TNR: variants seen among roughly 807,000 people sequenced by gnomAD.
TNR encodes the protein tenascin-R.
A neutral mutation model predicts 150.4 loss-of-function variants in TNR; 45 were observed. That is an observed-to-expected ratio of 0.30 (90% confidence interval 0.24 to 0.38). The LOEUF is 0.38. Among genes scored for constraint, TNR ranks in the 10% least tolerant of loss-of-function variants. The pLI is 1.00. For synonymous variants in TNR, 687 were observed against 678.4 expected (o/e 1.01, Z -0.20); for missense variants, 1,544 against 1,759.1 (o/e 0.88, Z 2.19).
intron 2 of TNR, among the ~76,000 whole-genome samples, chr1:175,485,698 G>T (rs1034296846): frequency 6.6e-6 from 1 of 152,154 alleles, no homozygotes; most frequent in African/African-American, 2.4e-5. Context: ...TTTCAAGACA[G>T]AAAAGGAACT....
intron 1 of TNR, among the ~76,000 whole-genome samples, chr1:175,655,777 A>G (rs1295444349): frequency 6.6e-6 from 1 of 152,196 alleles, no homozygotes; most frequent in Non-Finnish European, 1.5e-5. Flanking sequence ...CACCTCACCA[A>G]TGTCCTGCCC....
chr1:175,592,015 A>T (rs1289771550), intron 1 of TNR, among the ~76,000 whole-genome samples: 1 of 152,170 alleles, frequency 6.6e-6, no homozygotes, highest in Non-Finnish European at 1.5e-5. Flanking sequence ...TAAAAAATAA[A>T]CTTCTATTGC....
intron 2 of TNR, among the ~76,000 whole-genome samples, chr1:175,511,725 T>G (rs1433193778): frequency 6.6e-6 from 1 of 152,208 alleles, no homozygotes; most frequent in East Asian, 1.9e-4. Context: ...CCACTACTTC[T>G]AACTCCTGGG....
At position 175,733,447 on chromosome 1, in the gene TNR, G is replaced by A. The variant is rs79837293; in HGVS notation, c.-165+9779C>T. Among the ~76,000 whole-genome samples the A allele has an allele frequency of 1.7e-4, 26 of 152,230 alleles. No homozygotes were observed. In the East Asian group the frequency reaches 4.1e-3, roughly 24 times the overall value. ...GTTGGGTCAGAGTGAAGACACGGCC[G>A]GAGAAGTCACCCCAGGCCCTCTTGG... is the stretch of plus-strand genomic sequence containing the variant. On this transcript the variant is annotated intron_variant, in intron 1 of 22. Transcript: ENST00000367674.
rs1464419575 is a variant in TNR, at chr1:175,657,883, A to ATATACATGTG, written c.-165+85342_-165+85343insCACATGTATA. On this transcript the variant is annotated intron_variant, in intron 1 of 22. Coordinates refer to ENST00000367674, the MANE Select transcript of TNR (RefSeq NM_003285.3). Reference sequence around the variant, plus strand: ...TATATATATATATATATATATATATATGTAACAAACCTGCACGTTGTGCAC... The same window carrying ATATACATGTG: ...TATATATATATATATATATATATATATATACATGTGTGTAACAAACCTGCACGTTGTGCAC... 6.9e-5 allele frequency among the ~76,000 whole-genome samples: 7 copies of ATATACATGTG among 101,134 alleles called. 1 individual carries two copies. The highest frequency in any genetic ancestry group is 1.4e-4 in the Non-Finnish European group (7 of 48,782). The allele number at this position is 101,134 out of a possible 152,430, so 66.3% of individuals were successfully genotyped here.
intron 2 of TNR, among the ~76,000 whole-genome samples, chr1:175,434,012 T>G (rs769651212): frequency 3.9e-5 from 6 of 152,178 alleles, no homozygotes; most frequent in Non-Finnish European, 7.3e-5. Context: ...CCTTCTCAGT[T>G]GTGTGAGGCC....
intron 7 of TNR, among the ~76,000 whole-genome samples, chr1:175,388,694 A>C (rs1165376512): frequency 6.6e-6 from 1 of 152,214 alleles, no homozygotes; most frequent in Admixed American, 6.5e-5. Context: ...AAACAAACAC[A>C]ATCCCTGCTC....
chr1:175,529,755 G>C (rs113105654), intron 1 of TNR, among the ~76,000 whole-genome samples: 86 of 152,242 alleles, frequency 5.6e-4, no homozygotes, highest in African/African-American at 1.9e-3. Context: ...TCCCCCTCCT[G>C]TTTGCTTCCA....
intron 1 of TNR, among the ~76,000 whole-genome samples, chr1:175,730,773 G>A (rs550794094): frequency 6.6e-6 from 1 of 152,246 alleles, no homozygotes; most frequent in South Asian, 2.1e-4. Flanking sequence ...GTGGGAGAGT[G>A]GTGACAAGGA....
chr1:175,454,194 T>C (rs1184493938), intron 2 of TNR, among the ~76,000 whole-genome samples: 2 of 152,208 alleles, frequency 1.3e-5, no homozygotes, highest in Non-Finnish European at 2.9e-5. Flanking sequence ...TGCTCCTAAA[T>C]GTCTTCCACG....
chr1:175,391,795 G>A (rs1653180322), intron 6 of TNR, among the ~76,000 whole-genome samples: 1 of 152,220 alleles, frequency 6.6e-6, no homozygotes, highest in African/African-American at 2.4e-5. Context: ...ATTCATCAGA[G>A]GTTTTTGGCA....
chr1:175,673,226 C>A (rs1234963046), intron 1 of TNR, among the ~76,000 whole-genome samples: 1 of 152,178 alleles, frequency 6.6e-6, no homozygotes, highest in Non-Finnish European at 1.5e-5. Context: ...CAAGCCCGAG[C>A]CTGCACTGAC....
intron 1 of TNR, among the ~76,000 whole-genome samples, chr1:175,675,305 G>A (rs952135245): frequency 6.6e-6 from 1 of 152,166 alleles, no homozygotes; most frequent in Non-Finnish European, 1.5e-5. Flanking sequence ...TACTGAACCT[G>A]CCTCACAGAG....
intron 1 of TNR, among the ~76,000 whole-genome samples, chr1:175,542,925 G>C (rs1056819211): frequency 6.6e-6 from 1 of 152,104 alleles, no homozygotes; most frequent in African/African-American, 2.4e-5. Flanking sequence ...TTGACCTTCT[G>C]AATGTAGCTA....
Position 175,500,316 on chromosome 1 carries a change from A to G in TNR, c.-64+27953T>C, listed in dbSNP as rs1658678373. Among the ~76,000 whole-genome samples the G allele has an allele frequency of 2.0e-5, 3 of 152,166 alleles. No homozygotes were observed. In the South Asian group the frequency reaches 6.2e-4, roughly 32 times the overall value. On this transcript the variant is annotated intron_variant, in intron 2 of 22. Transcript: ENST00000367674. The stretch of plus-strand genomic sequence containing the variant: ...TAAAAAGTGGAGCTCAGGCCTTACA[A>G]GTCACGTTCTCCTCAGTTTCCATTT...
At chr1:175,700,127 C>T (rs972208240) in intron 1 of TNR, among the ~76,000 whole-genome samples, 25 of 150,928 alleles carry the variant, frequency 1.7e-4, no homozygotes, top group Non-Finnish European at 3.1e-4. Context: ...CCTAGATTGC[C>T]GTGCAGTCCA....
chr1:175,562,850 A>G (rs1259407856), intron 1 of TNR, among the ~76,000 whole-genome samples: 1 of 152,244 alleles, frequency 6.6e-6, no homozygotes, highest in Admixed American at 6.5e-5. Flanking sequence ...GAAGTAAAAC[A>G]TCTAATGATA....
rs145042240 is a variant in TNR at position 175,337,975 on chromosome 1, T to C, written c.3383-296A>G. On this transcript the variant is annotated intron_variant, in intron 18 of 22. Coordinates refer to ENST00000367674, the MANE Select transcript of TNR (RefSeq NM_003285.3). ...ATTTATTTGACTTTAAGTAAATCAG[T>C]TGGGCGTCAGTTTTCTTATCAGTAA... 9.2e-3 allele frequency among the ~76,000 whole-genome samples: 1,402 copies of C among 152,364 alleles called. 15 individuals carry two copies. The highest frequency in any genetic ancestry group is 0.013 in the South Asian group (65 of 4,828).
intron 9 of TNR, among the ~76,000 whole-genome samples, chr1:175,373,272 G>A (rs1385604592): frequency 1.3e-5 from 2 of 152,146 alleles, no homozygotes; most frequent in South Asian, 2.1e-4. Flanking sequence ...CTAATATAGG[G>A]TCCCTCATAG....
Sources: gnomAD v4.1 joint callset for allele counts (sites outside exome capture counted in the v4.1 genomes callset) on GRCh38, gnomAD v4.1.1 for gene constraint, MANE v1.5 for transcripts, NCBI Gene and HGNC (gene_info 2026-07-23, HGNC 2026-07-21) for gene names.